Variants in POLI observed in about 807,000 individuals in gnomAD.
The protein encoded by POLI is DNA polymerase iota.
POLI carries 58 observed loss-of-function variants against 51.6 expected under a neutral mutation model. The observed-to-expected ratio is 1.12, with a 90% CI of 0.91 to 1.40. The LOEUF is 1.40. Among genes scored for constraint, POLI ranks in the 40% most tolerant of loss-of-function variants. POLI has a pLI of 0.00. For synonymous variants in POLI, 322 were observed against 299.7 expected (o/e 1.07, Z -0.77); for missense variants, 921 against 871.3 (o/e 1.06, Z -0.72).
Position 54,283,979 on chromosome 18 carries a change from A to G in POLI, c.1033A>G (p.Lys345Glu), listed in dbSNP as rs371749193. The stretch of plus-strand genomic sequence containing the variant: ...TTCATCTGAAGTTGAAGCTAAAAAT[A>G]AGATTGAAGAACTACTTGCTAGTCT... Reference protein sequence around the residue: ...KCSSEVEAKNKIEELLASLLN... With the variant: ...KCSSEVEAKNEIEELLASLLN... The change falls in exon 7 of 10, where the codon AAG becomes GAG. Residue 345 changes from lysine (K) to glutamate (E), a missense_variant. Physicochemically the swap from Lys to Glu is moderately conservative, Grantham distance 56 (BLOSUM62 1). Coordinates refer to ENST00000579534, the MANE Select transcript of POLI (RefSeq NM_007195.3). 3.4e-6 allele frequency: 5 copies of G among 1,483,066 alleles called. No homozygotes were observed. The African/African-American group carries it at 6.9e-5, about 21-fold the overall frequency. The allele number at this position is 1,483,066 out of a possible 1,614,324, so 91.9% of individuals were successfully genotyped here.
Position 54,298,011 on chromosome 18 carries a change from G to A in POLI, c.*3544G>A, listed in dbSNP as rs73487924. On this transcript the variant is annotated 3_prime_UTR_variant, in exon 10 of 10. Transcript: ENST00000579534. ...ATAATATCTTTTACTTTGGAGATAC[G>A]CAGTTTTTATTATATGTCTAGCTAT... The A allele has an allele frequency of 1.7e-3, 1,704 of 976,210 alleles. 18 individuals are homozygous for A. In the African/African-American group the frequency reaches 0.026, roughly 15 times the overall value. 60.5% of individuals were successfully genotyped at this position (976,210 alleles called of 1,614,324 possible). A position where few individuals can be genotyped will look rare whatever the true frequency, so the allele number is the denominator to read the frequency against.
At chr18:54,311,661 C>A (rs973452161) in intron 3 of POLI, among the ~76,000 whole-genome samples, 4 of 152,120 alleles carry the variant, frequency 2.6e-5, no homozygotes, top group African/African-American at 7.2e-5. Flanking sequence ...TGATATAACA[C>A]CCTAGCAGTG....
intron 3 of POLI, among the ~76,000 whole-genome samples, chr18:54,303,914 C>A (rs1012592224): frequency 6.6e-6 from 1 of 151,578 alleles, no homozygotes; most frequent in Non-Finnish European, 1.5e-5. Flanking sequence ...CCTCCCCCAT[C>A]CCCCCACCCC....
At chr18:54,315,153 T>C (rs1236330829) in intron 3 of POLI, among the ~76,000 whole-genome samples, 1 of 152,146 alleles carries the variant, frequency 6.6e-6, no homozygotes, top group Non-Finnish European at 1.5e-5. Flanking sequence ...AATATTTTGG[T>C]ATGCTATGTC....
At chr18:54,284,604 A>G (rs1376670212) in intron 7 of POLI, 1 of 152,240 alleles carries the variant, frequency 6.6e-6, no homozygotes, top group Admixed American at 6.5e-5. Context: ...AGGATAGGAA[A>G]TTATTAAAGT....
chr18:54,283,108 G>T, intron 6 of POLI, 93 bp downstream of exon 6: 5 of 765,878 alleles, frequency 6.5e-6, no homozygotes, highest in Non-Finnish European at 1.0e-5. Flanking sequence ...TACTATTCTA[G>T]TTTGCTTAGT....
chr18:54,283,764 A>T (rs2087620997), intron 6 of POLI, 158 bp from the exon 7 acceptor site: 6 of 451,090 alleles, frequency 1.3e-5, no homozygotes, highest in Non-Finnish European at 2.4e-5. Context: ...GCTTGCAGAT[A>T]AAAAACTGTT....
chr18:54,316,361 C>CT (rs1402679232), intron 3 of POLI, among the ~76,000 whole-genome samples: 1 of 152,080 alleles, frequency 6.6e-6, no homozygotes, highest in African/African-American at 2.4e-5. Flanking sequence ...ATAAGCTTTT[C>CT]TTGTGATTTC....
intron 4 of POLI, among the ~76,000 whole-genome samples, chr18:54,279,368 G>A (rs530402499): frequency 2.0e-5 from 3 of 150,738 alleles, no homozygotes; most frequent in Middle Eastern, 3.4e-3. Flanking sequence ...TCAGCCTCCC[G>A]ACTAGCTGGG....
At position 54,282,969 on chromosome 18, in the gene POLI, G is replaced by T; in HGVS notation, c.929G>T (p.Ser310Ile). 1 of 1,611,190 alleles carries T rather than the reference G, an allele frequency of 6.2e-7. No individual in the cohort carries two copies. The highest frequency in any genetic ancestry group is 8.5e-7 in the Non-Finnish European group (1 of 1,178,452). The change falls in exon 6 of 10, where the codon AGT becomes ATT. Residue 310 changes from serine (S) to isoleucine (I), a missense_variant. Transcript: ENST00000579534. ...ISVAQRIQKL[S>I]FGEDNSPVIL... ...GTTGCTCAGCGTATCCAAAAGCTCA[G>T]TTTTGGAGAGGATAACTCCCCTGTG...
chr18:54,319,268 T>C (rs1286736311), intron 3 of POLI, among the ~76,000 whole-genome samples: 1 of 152,152 alleles, frequency 6.6e-6, no homozygotes, highest in African/African-American at 2.4e-5. Flanking sequence ...CATATTTTTG[T>C]TGTTTGCAGC....
At chr18:54,270,656 A>G (rs2086964511) in intron 1 of POLI, 3 of 144,850 alleles carry the variant, frequency 2.1e-5, no homozygotes, top group Non-Finnish European at 4.4e-5. Context: ...TCCCAACCAG[A>G]ATATTGTATT....
chr18:54,296,818 A>T lies in POLI; in HGVS notation c.*2351A>T. On this transcript the variant is annotated 3_prime_UTR_variant, in exon 10 of 10. Transcript: ENST00000579534. ...TTTGATTCTTTTTAACTTCCCGTTT[A>T]CTCATTACAGTCCCTTGTAAGTCTG... 1.8e-6 allele frequency: 1 copy of T among 553,854 alleles called. No individual in the cohort carries two copies. The highest frequency in any genetic ancestry group is 2.3e-6 in the Non-Finnish European group (1 of 438,562). 34.3% of individuals were successfully genotyped at this position (553,854 alleles called of 1,614,324 possible). A position where few individuals can be genotyped will look rare whatever the true frequency, so the allele number is the denominator to read the frequency against.
chr18:54,305,221 C>T (rs1196913062), intron 3 of POLI, among the ~76,000 whole-genome samples: 2 of 152,124 alleles, frequency 1.3e-5, no homozygotes, highest in African/African-American at 4.8e-5. Context: ...GTTCTTTTTG[C>T]TTAGGATTGT....
At chr18:54,319,367 T>A (rs1477467543) in intron 3 of POLI, among the ~76,000 whole-genome samples, 1 of 152,102 alleles carries the variant, frequency 6.6e-6, no homozygotes, top group Non-Finnish European at 1.5e-5. Context: ...TCCAAAACCA[T>A]GGTAGAGAAG....
intron 1 of POLI, chr18:54,270,432 G>T (rs1252482760): frequency 1.3e-5 from 2 of 152,244 alleles, no homozygotes; most frequent in Non-Finnish European, 2.9e-5. Flanking sequence ...AAAGTATTGG[G>T]ATTACAGTAG....
At chr18:54,309,380 C>T (rs994353905) in intron 3 of POLI, among the ~76,000 whole-genome samples, 2 of 152,192 alleles carry the variant, frequency 1.3e-5, no homozygotes, top group Non-Finnish European at 2.9e-5. Flanking sequence ...TGGGGGTCCA[C>T]TCCAGACCCT....
In POLI at chr18:54,314,761, C is replaced by T. The variant is rs535868727; in HGVS notation, c.334-5512C>T. 9.9e-5 allele frequency among the ~76,000 whole-genome samples: 15 copies of T among 151,568 alleles called. No individual in the cohort carries two copies. In the South Asian group the frequency reaches 2.5e-3, roughly 25 times the overall value. ...TCTAGTTTGTGTGCATAGAGGTGTT[C>T]GTAATGGTCACTGGGTATCTTCTGT... On this transcript the variant is annotated intron_variant, in intron 3 of 4. Transcript: ENST00000579823.
chr18:54,304,137 C>A (rs896072594), intron 3 of POLI, among the ~76,000 whole-genome samples: 8 of 152,166 alleles, frequency 5.3e-5, no homozygotes, highest in African/African-American at 1.9e-4. Context: ...ATATGTGACA[C>A]ATTTTCTTAA....
Sources: allele counts gnomAD v4.1 joint callset (sites outside exome capture counted in the v4.1 genomes callset), GRCh38; gene constraint gnomAD v4.1.1; transcripts MANE v1.5; gene names NCBI Gene and HGNC (gene_info 2026-07-23, HGNC 2026-07-21).